Variants in ZNF521 observed in about 807,000 individuals in gnomAD.
ZNF521 encodes the protein zinc finger protein 521, also known as LYST-interacting protein 3.
ZNF521 carries 14 observed loss-of-function variants against 105.5 expected under a neutral mutation model. The ratio of observed to expected loss-of-function variants is 0.13; its 90% CI spans 0.09 to 0.21. The LOEUF is 0.21. Among genes scored for constraint, ZNF521 ranks in the 10% least tolerant of loss-of-function variants. The pLI is 1.00. For missense variants in ZNF521, 1,233 were observed against 1,629.7 expected, an observed-to-expected ratio of 0.76 and a Z score of 4.19; for synonymous variants, 635 against 606.0, an observed-to-expected ratio of 1.05 and a Z score of -0.70.
chr18:25,164,250 G>A (rs766118848), intron 5 of ZNF521, among the ~76,000 whole-genome samples: 5 of 152,118 alleles, frequency 3.3e-5, no homozygotes, highest in South Asian at 2.1e-4. Context: ...GGCTGTCCCC[G>A]GAGTGGGTTA....
chr18:25,130,092 T>C (rs781040864), intron 5 of ZNF521, among the ~76,000 whole-genome samples: 3 of 152,180 alleles, frequency 2.0e-5, no homozygotes, highest in Admixed American at 6.6e-5. Context: ...ACAACTAAGA[T>C]GTCTTTCAAT....
chr18:25,214,343 T>G (rs2144695915), intron 4 of ZNF521, among the ~76,000 whole-genome samples: 1 of 152,244 alleles, frequency 6.6e-6, no homozygotes, highest in East Asian at 1.9e-4. Flanking sequence ...TTATTAATAT[T>G]ATTTATCTCT....
In ZNF521 at chr18:25,338,703, C is replaced by T. The variant is rs74618334; in HGVS notation, c.40+12204G>A. ...CTAGGATTACAGGTGTGAGCCATTG[C>T]GCCCAGTCATTTTCTTTTTAATTAC... On this transcript the variant is annotated intron_variant, in intron 2 of 7. Transcript: ENST00000361524. Among the ~76,000 whole-genome samples the T allele has an allele frequency of 8.7e-3, 1,330 of 152,222 alleles. 16 individuals are homozygous for T. The highest frequency in any genetic ancestry group is 0.031 in the African/African-American group (1,276 of 41,530).
chr18:25,264,812 C>T (rs1044758904), intron 3 of ZNF521, among the ~76,000 whole-genome samples: 7 of 151,736 alleles, frequency 4.6e-5, no homozygotes, highest in African/African-American at 1.7e-4. Flanking sequence ...GGGAAGAAAA[C>T]AGGGTGAAAC....
rs768560876 is a variant in ZNF521 at position 25,322,011 on chromosome 18, T to C, written c.217A>G (p.Thr73Ala). Residue 73 changes from threonine to alanine, a missense_variant, in exon 3 of 8, where the codon ACA (threonine) becomes GCA (alanine). Thr to Ala is a moderately conservative substitution (Grantham distance 58). Coordinates refer to ENST00000361524, the MANE Select transcript of ZNF521 (RefSeq NM_015461.3). ...TEHKINQCQL[T>A]DGVDVEDDPT... ...AAAAGTGATAAGTATTGTTTACCTG[T>C]CAGTTGACATTGATTAATCTTGTGT... 2 of 1,613,630 alleles carry C rather than the reference T, an allele frequency of 1.2e-6. No individual in the cohort carries two copies. Among genetic ancestry groups the C allele is most frequent in the African/African-American group, 2.7e-5 (2 of 74,922 alleles).
At position 25,089,449 on chromosome 18, in the gene ZNF521, C is replaced by G; in HGVS notation, c.3906+16G>C. The G allele has an allele frequency of 6.4e-7, 1 of 1,570,818 alleles. No homozygotes were observed. The highest frequency in any genetic ancestry group is 1.1e-5 in the South Asian group (1 of 90,102). On this transcript the variant is annotated intron_variant, in intron 7 of 7. Coordinates refer to ENST00000361524, the MANE Select transcript of ZNF521 (RefSeq NM_015461.3). ...GCAACTGAGTTCAATCCCAGTCCTC[C>G]CCATGAGGACATTACCTGCAGCTCT... is the stretch of plus-strand genomic sequence containing the variant.
At chr18:25,163,695 G>A (rs943593191) in intron 5 of ZNF521, among the ~76,000 whole-genome samples, 8 of 152,118 alleles carry the variant, frequency 5.3e-5, no homozygotes, top group Non-Finnish European at 1.2e-4. Context: ...ATACACATAC[G>A]TTCCTGCTCA....
intron 5 of ZNF521, among the ~76,000 whole-genome samples, chr18:25,187,810 CG>C (rs1375164896): frequency 3.3e-5 from 5 of 152,114 alleles, no homozygotes; most frequent in Non-Finnish European, 7.4e-5. Flanking sequence ...GCTTGAAAAT[CG>C]TACCATCTAC....
chr18:25,261,445 C>T (rs1259449933), intron 3 of ZNF521, among the ~76,000 whole-genome samples: 1 of 152,038 alleles, frequency 6.6e-6, no homozygotes, highest in Non-Finnish European at 1.5e-5. Context: ...TTAAAGGGGC[C>T]TAAGAAGGGT....
chr18:25,323,229 T>C (rs1388317365), intron 2 of ZNF521, among the ~76,000 whole-genome samples: 2 of 151,954 alleles, frequency 1.3e-5, no homozygotes, highest in Non-Finnish European at 2.9e-5. Context: ...ATAAACTATA[T>C]CTCAAAATAC....
At chr18:25,290,634 G>A (rs562792812) in intron 3 of ZNF521, among the ~76,000 whole-genome samples, 2 of 134,464 alleles carry the variant, frequency 1.5e-5, no homozygotes, top group African/African-American at 2.8e-5. Context: ...TTTTTGAGAC[G>A]GAGTCTCACT....
intron 3 of ZNF521, among the ~76,000 whole-genome samples, chr18:25,316,895 C>A (rs1420066246): frequency 6.7e-6 from 1 of 148,584 alleles, no homozygotes; most frequent in Admixed American, 6.7e-5. Flanking sequence ...ACTCTTGTCG[C>A]CTAGGCTAGA....
At chr18:25,332,422 G>GA (rs1280721251) in intron 2 of ZNF521, among the ~76,000 whole-genome samples, 2 of 148,156 alleles carry the variant, frequency 1.3e-5, no homozygotes, top group East Asian at 2.0e-4. Flanking sequence ...ATGTATAATT[G>GA]AAAAAAAGGA....
chr18:25,211,813 T>G (rs1409699547), intron 4 of ZNF521, among the ~76,000 whole-genome samples: 1 of 152,232 alleles, frequency 6.6e-6, no homozygotes, highest in Non-Finnish European at 1.5e-5. Context: ...GTGATAAAAA[T>G]ATTCTTTTAT....
At chr18:25,310,541 A>G (rs1021158423) in intron 3 of ZNF521, among the ~76,000 whole-genome samples, 29 of 152,264 alleles carry the variant, frequency 1.9e-4, no homozygotes, top group African/African-American at 6.0e-4. Flanking sequence ...AAAGAAAACA[A>G]AAGAGAATAG....
intron 5 of ZNF521, among the ~76,000 whole-genome samples, chr18:25,143,310 G>A (rs984411446): frequency 6.6e-6 from 1 of 152,146 alleles, no homozygotes; most frequent in African/African-American, 2.4e-5. Flanking sequence ...ATCATGTCAA[G>A]CTGGTAAGAG....
chr18:25,195,279 A>C, intron 4 of ZNF521, 35 bp from the exon 5 acceptor site: 1 of 1,454,588 alleles, frequency 6.9e-7, no homozygotes, highest in Non-Finnish European at 9.4e-7. Flanking sequence ...TTACTTAGAC[A>C]CATGGACTTT....
In ZNF521 at chr18:25,226,420, G is replaced by A; in HGVS notation, c.1498C>T (p.His500Tyr). The A allele has an allele frequency of 6.2e-7, 1 of 1,614,160 alleles. No individual in the cohort carries two copies. The highest frequency in any genetic ancestry group is 8.5e-7 in the Non-Finnish European group (1 of 1,180,030). Residue 500 changes from histidine (H) to tyrosine (Y), a missense_variant, in exon 4 of 8, where the codon CAT becomes TAT. Physicochemically the swap from His to Tyr is moderately conservative, Grantham distance 83 (BLOSUM62 2). Transcript: ENST00000361524. The surrounding 1 kb of genome is among the most constrained non-coding windows in gnomAD (Gnocchi z 4.1). ...NTLQEHIRCS[H>Y]GFANPAAKDS... is the part of the protein sequence containing the mutation. The stretch of plus-strand genomic sequence containing the variant: ...TTAGCTGCAGGGTTTGCAAATCCAT[G>A]AGAACATCGGATGTGTTCCTGAAGA...
chr18:25,125,223 T>A (rs1312497015), intron 5 of ZNF521, among the ~76,000 whole-genome samples: 1 of 152,132 alleles, frequency 6.6e-6, no homozygotes, highest in Non-Finnish European at 1.5e-5. Flanking sequence ...TCTAGCCACA[T>A]GGGAATATGA....
Sources: gnomAD v4.1 joint callset for allele counts (sites outside exome capture counted in the v4.1 genomes callset) on GRCh38, gnomAD v4.1.1 for gene constraint, Gnocchi (gnomAD v3.1) non-coding constraint, MANE v1.5 for transcripts, NCBI Gene and HGNC (gene_info 2026-07-23, HGNC 2026-07-21) for gene names.